The following CUEDC1 variants were observed in gnomAD, a reference collection of about 807,000 sequenced individuals.
CUEDC1 encodes CUE domain-containing protein 1.
Under a neutral mutation model 43.7 loss-of-function variants are expected in CUEDC1, and 30 were observed. The ratio of observed to expected loss-of-function variants is 0.69; its 90% CI spans 0.51 to 0.93. The LOEUF (loss-of-function observed/expected upper bound fraction) is 0.93. CUEDC1 is among the 40% of genes least tolerant of loss of function. CUEDC1 has a pLI of 0.00. For missense variants in CUEDC1, 486 were observed against 549.0 expected (o/e 0.89, Z 1.15); for synonymous variants, 223 against 223.6 (o/e 1.00, Z 0.02).
At chr17:57,942,517 T>C (rs1190446780) in intron 1 of CUEDC1, among the ~76,000 whole-genome samples, 1 of 151,856 alleles carries the variant, frequency 6.6e-6, no homozygotes, top group Non-Finnish European at 1.5e-5. Context: ...GCCTCCCAAG[T>C]AGCTGACACT....
rs1205385412 is a variant in CUEDC1 at position 57,885,640 on chromosome 17, G to T, written c.-76C>A. 7.5e-7 allele frequency: 1 copy of T among 1,333,476 alleles called. No homozygotes were observed. Among genetic ancestry groups the T allele is most frequent in the Non-Finnish European group, 9.5e-7 (1 of 1,048,088 alleles). The allele number at this position is 1,333,476 out of a possible 1,614,324, so 82.6% of individuals were successfully genotyped here. A position where few individuals can be genotyped will look rare whatever the true frequency, so the allele number is the denominator to read the frequency against. Reference sequence around the variant, plus strand: ...CCCCAGGGTCTTTCCGCCGTCAGCCGCTTACTTGCCCTGCGGTCTCGGGCA... The same window carrying T: ...CCCCAGGGTCTTTCCGCCGTCAGCCTCTTACTTGCCCTGCGGTCTCGGGCA... On this transcript the variant is annotated 5_prime_UTR_variant, in exon 2 of 11. Transcript: ENST00000577830.
rs945900556 is a variant in CUEDC1 at position 57,885,110 on chromosome 17, A to G, written c.336+119T>C. On this transcript the variant is annotated intron_variant, in intron 2 of 10. Transcript: ENST00000577830. ...TTGCTAATTAGAACCCAGATAGCGGAGTAACCCAGGTCCTCTTAGAGGTTC... is the reference window on the plus strand; with the variant it reads ...TTGCTAATTAGAACCCAGATAGCGGGGTAACCCAGGTCCTCTTAGAGGTTC... 8 of 1,447,570 alleles carry G rather than the reference A, an allele frequency of 5.5e-6. No individual in the cohort carries two copies. The African/African-American group carries it at 1.0e-4, about 18-fold the overall frequency. 89.7% of individuals were successfully genotyped at this position (1,447,570 alleles called of 1,614,324 possible).
intron 1 of CUEDC1, among the ~76,000 whole-genome samples, chr17:57,932,302 A>AAAAAC: frequency 8.3e-6 from 1 of 120,818 alleles, no homozygotes; most frequent in African/African-American, 2.9e-5. Flanking sequence ...AAAAAAAAAA[A>AAAAAC]AGGCCAGGCA....
chr17:57,943,718 C>T (rs1301592840), intron 1 of CUEDC1, among the ~76,000 whole-genome samples: 3 of 152,096 alleles, frequency 2.0e-5, no homozygotes, highest in Middle Eastern at 3.4e-3. Context: ...AAAAATCCAC[C>T]CCAAAAAAAA....
chr17:57,927,659 G>A (rs536576573), intron 1 of CUEDC1, among the ~76,000 whole-genome samples: 2 of 152,298 alleles, frequency 1.3e-5, no homozygotes, highest in Non-Finnish European at 2.9e-5. Context: ...TATGTCAGGG[G>A]ATCTGCCCCC....
intron 1 of CUEDC1, among the ~76,000 whole-genome samples, chr17:57,920,622 T>TTTTTC (rs199910073): frequency 7.4e-6 from 1 of 135,250 alleles, no homozygotes; most frequent in Non-Finnish European, 1.5e-5. Context: ...CTGAATTTTC[T>TTTTTC]TTTTCTTTTC....
At chr17:57,939,175 C>T (rs2074892069) in intron 1 of CUEDC1, among the ~76,000 whole-genome samples, 1 of 151,956 alleles carries the variant, frequency 6.6e-6, no homozygotes, top group Admixed American at 6.6e-5. Flanking sequence ...CCTTGTTGGC[C>T]AGGCTGATCT....
intron 1 of CUEDC1, among the ~76,000 whole-genome samples, chr17:57,933,828 C>T (rs1307669312): frequency 6.6e-6 from 1 of 152,064 alleles, no homozygotes; most frequent in African/African-American, 2.4e-5. Flanking sequence ...TGGAGCCCGA[C>T]TTATGGGCTG....
At chr17:57,865,637 A>G (rs2073945906) in intron 10 of CUEDC1, among the ~76,000 whole-genome samples, 1 of 152,062 alleles carries the variant, frequency 6.6e-6, no homozygotes, top group African/African-American at 2.4e-5. Context: ...TTTCTCCCCA[A>G]GAGGGTGCAC....
rs530939451 is a variant in CUEDC1 at position 57,940,157 on chromosome 17, G to A, written c.-316+15068C>T. The stretch of plus-strand genomic sequence containing the variant: ...ATAGTCAACATGTAATAAAGGAGCC[G>A]TTAAAAACCCTGCCATGTGACTCTT... On this transcript the variant is annotated intron_variant, in intron 1 of 10. Coordinates refer to ENST00000577830, the MANE Select transcript of CUEDC1 (RefSeq NM_001271875.2). Among the ~76,000 whole-genome samples the A allele has an allele frequency of 2.4e-4, 37 of 151,912 alleles. No homozygotes were observed. The South Asian group carries it at 7.5e-3, about 31-fold the overall frequency.
intron 3 of CUEDC1, among the ~76,000 whole-genome samples, chr17:57,876,510 C>T (rs1396332916): frequency 6.6e-6 from 1 of 152,204 alleles, no homozygotes; most frequent in Non-Finnish European, 1.5e-5. Context: ...CAGGCAGCAC[C>T]GTATTCACCT....
At chr17:57,889,027 C>T (rs1163189137) in intron 1 of CUEDC1, among the ~76,000 whole-genome samples, 1 of 152,172 alleles carries the variant, frequency 6.6e-6, no homozygotes, top group African/African-American at 2.4e-5. Context: ...TGTTGAGAAG[C>T]TCCAGAAGCC....
At chr17:57,932,221 G>A (rs2074811001) in intron 1 of CUEDC1, among the ~76,000 whole-genome samples, 1 of 150,336 alleles carries the variant, frequency 6.7e-6, no homozygotes, top group Non-Finnish European at 1.5e-5. Flanking sequence ...GGTGGAGGTT[G>A]CAGTGAGCCG....
At chr17:57,937,944 G>A (rs2074878222) in intron 1 of CUEDC1, among the ~76,000 whole-genome samples, 1 of 152,078 alleles carries the variant, frequency 6.6e-6, no homozygotes, top group African/African-American at 2.4e-5. Context: ...TTCTGCCTAG[G>A]TAGGAAATAA....
intron 2 of CUEDC1, among the ~76,000 whole-genome samples, chr17:57,883,177 A>G (rs1013678958): frequency 6.6e-6 from 1 of 152,194 alleles, no homozygotes; most frequent in Non-Finnish European, 1.5e-5. Context: ...AGAAAACTGT[A>G]CAAAGACAGC....
At chr17:57,936,557 C>T (rs2074863334) in intron 1 of CUEDC1, among the ~76,000 whole-genome samples, 1 of 152,134 alleles carries the variant, frequency 6.6e-6, no homozygotes, top group African/African-American at 2.4e-5. Context: ...GCCTCAGGGA[C>T]AGTGGCTGGG....
chr17:57,948,724 C>T (rs999858951), intron 1 of CUEDC1, among the ~76,000 whole-genome samples: 2 of 152,142 alleles, frequency 1.3e-5, no homozygotes, highest in African/African-American at 4.8e-5. Flanking sequence ...CCCCTCTGTG[C>T]CTATGAGTCA....
Position 57,885,545 on chromosome 17 carries a change from C to T in CUEDC1, c.20G>A (p.Arg7Gln), listed in dbSNP as rs2074278905. 1.5e-6 allele frequency: 2 copies of T among 1,374,230 alleles called. No homozygotes were observed. The highest frequency in any genetic ancestry group is 1.9e-6 in the Non-Finnish European group (2 of 1,071,200). The allele number at this position is 1,374,230 out of a possible 1,614,324, so 85.1% of individuals were successfully genotyped here. Residue 7 changes from arginine to glutamine, a missense_variant, in exon 2 of 11, where the codon CGG (arginine) becomes CAG (glutamine). Physicochemically the swap from Arg to Gln is conservative, Grantham distance 43. Transcript: ENST00000577830. ...ACCCCCGCCGCTGCCGCTGCTGCTC[C>T]GGCGGAACAGGCTGGTCATTTTGCG... MTSLFR[R>Q]SSSGSGGGGT... is the part of the protein sequence containing the mutation.
intron 1 of CUEDC1, among the ~76,000 whole-genome samples, chr17:57,924,105 T>C (rs73314283): frequency 0.12 from 16,415 of 136,982 alleles, 995 homozygotes; most frequent in Non-Finnish European, 0.15. Context: ...GCTCCGATTC[T>C]TCCTGCATTT....
Sources: allele counts gnomAD v4.1 joint callset (sites outside exome capture counted in the v4.1 genomes callset), GRCh38; gene constraint gnomAD v4.1.1; transcripts MANE v1.5; gene names NCBI Gene and HGNC (gene_info 2026-07-23, HGNC 2026-07-21).